The following FAM107A variants were observed in gnomAD, a reference collection of about 807,000 sequenced individuals.
The protein encoded by FAM107A is actin-associated protein FAM107A.
A neutral mutation model predicts 13.7 loss-of-function variants in FAM107A; 19 were observed. The observed-to-expected ratio is 1.38, with a 90% confidence interval of 0.97 to 2.03. FAM107A has a LOEUF of 2.03. Ranked by LOEUF, FAM107A falls within the 30% of genes most tolerant of loss-of-function variation. The pLI, the probability that FAM107A is intolerant of heterozygous loss-of-function variation, is 0.00. For missense variants in FAM107A, 203 were observed against 184.4 expected (o/e 1.10, Z -0.58); for synonymous variants, 82 against 74.5 (o/e 1.10, Z -0.52).
chr3:58,627,143 C>T (rs1308451649), intron 1 of FAM107A: 20 of 743,692 alleles, frequency 2.7e-5, no homozygotes, highest in East Asian at 1.3e-4. Flanking sequence ...GGCACAAAGG[C>T]GGCTTTCACA....
chr3:58,601,039 TG>T (rs1164696852), intron 1 of FAM107A, among the ~76,000 whole-genome samples: 1 of 152,192 alleles, frequency 6.6e-6, no homozygotes, highest in Non-Finnish European at 1.5e-5. Context: ...GTTTTAATAT[TG>T]AATGAGAGAA....
rs376569259 is a variant in FAM107A, at chr3:58,574,025, G to T, written c.-6+3284C>A. Among the ~76,000 whole-genome samples, 225 of 152,334 alleles carry T rather than the reference G, an allele frequency of 1.5e-3. 6 individuals carry two copies. In the South Asian group the frequency reaches 0.045, roughly 30 times the overall value. On this transcript the variant is annotated intron_variant, in intron 1 of 3. Coordinates refer to ENST00000360997, the MANE Select transcript of FAM107A (RefSeq NM_001076778.3). ...GCAAATGCCTCGTACAGAGTTGAGC[G>T]CTTGGGGCTGGCTACCAGGGCTGCC...
chr3:58,581,052 C>T (rs544921580), upstream of FAM107A, among the ~76,000 whole-genome samples: 1 of 152,330 alleles, frequency 6.6e-6, no homozygotes, highest in African/African-American at 2.4e-5. Flanking sequence ...TAATTCAAGC[C>T]ACAGTCGCTG....
chr3:58,614,580 C>T (rs1005054673), intron 1 of FAM107A, among the ~76,000 whole-genome samples: 1 of 151,592 alleles, frequency 6.6e-6, no homozygotes, highest in Non-Finnish European at 1.5e-5. Context: ...TCTCGGCTCA[C>T]TGCAAACTCC....
rs1216289378 is a variant in FAM107A at position 58,569,523 on chromosome 3, A to G, written c.170+168T>C. 6.6e-6 allele frequency among the ~76,000 whole-genome samples: 1 copy of G among 152,072 alleles called. No homozygotes were observed. Among genetic ancestry groups the G allele is most frequent in the Non-Finnish European group, 1.5e-5 (1 of 68,006 alleles). ...TCTGGTTCCCAGGGACCCACTGGGG[A>G]CAGGGTCTTTACAGGTTTTGCCGGT... On this transcript the variant is annotated intron_variant, in intron 2 of 3. Coordinates refer to ENST00000360997, the MANE Select transcript of FAM107A (RefSeq NM_001076778.3). The surrounding 1 kb of genome is among the most constrained non-coding windows in gnomAD (Gnocchi z 5.7).
At chr3:58,587,594 G>A (rs2065621959), upstream of FAM107A, among the ~76,000 whole-genome samples, 1 of 151,878 alleles carries the variant, frequency 6.6e-6, no homozygotes, top group Non-Finnish European at 1.5e-5. Context: ...CACAAGTATC[G>A]TGGGGTGGGT....
At chr3:58,600,031 C>G (rs1335195048) in intron 1 of FAM107A, among the ~76,000 whole-genome samples, 2 of 151,980 alleles carry the variant, frequency 1.3e-5, no homozygotes, top group Non-Finnish European at 2.9e-5. Flanking sequence ...AATTTACCCC[C>G]CACCCCTGCA....
In FAM107A at chr3:58,613,942, G is replaced by C. The variant is rs939725715; in HGVS notation, c.-70+13474C>G. Among the ~76,000 whole-genome samples, 3 of 152,218 alleles carry C rather than the reference G, an allele frequency of 2.0e-5. No homozygotes were observed. Among genetic ancestry groups the C allele is most frequent in the Non-Finnish European group, 4.4e-5 (3 of 68,030 alleles). ...CAACTCCCTGCAGCCTGCTGTACCTGGGAAGTGCCAGTGGGCTGGACCGGA... is the reference window on the plus strand; with the variant it reads ...CAACTCCCTGCAGCCTGCTGTACCTCGGAAGTGCCAGTGGGCTGGACCGGA... On this transcript the variant is annotated intron_variant, in intron 1 of 3. Transcript: ENST00000465970. This position sits in a 1 kb window ranked among gnomAD's most constrained non-coding sequence, Gnocchi z 4.6.
intron 1 of FAM107A, chr3:58,627,271 C>G: frequency 2.1e-6 from 1 of 472,650 alleles, no homozygotes; most frequent in Non-Finnish European, 3.8e-6. Context: ...CCTCACCTCC[C>G]AGAACCCTGC....
chr3:58,573,130 C>G (rs957995636), intron 1 of FAM107A, among the ~76,000 whole-genome samples: 1 of 152,092 alleles, frequency 6.6e-6, no homozygotes, highest in African/African-American at 2.4e-5. Context: ...GAGGCAGGAA[C>G]CCTGAGGGAT....
At chr3:58,589,529 T>C (rs986424963), upstream of FAM107A, among the ~76,000 whole-genome samples, 15 of 152,128 alleles carry the variant, frequency 9.9e-5, no homozygotes, top group Non-Finnish European at 2.1e-4. Context: ...AAAAACAGTT[T>C]TAGATTTAGG....
At chr3:58,626,460 A>G (rs898641698) in intron 1 of FAM107A, among the ~76,000 whole-genome samples, 4 of 152,214 alleles carry the variant, frequency 2.6e-5, no homozygotes, top group Admixed American at 6.5e-5. Context: ...GCAGTGTTCC[A>G]AACACTTTCA....
intron 1 of FAM107A, among the ~76,000 whole-genome samples, chr3:58,571,052 C>G (rs1047087817): frequency 6.6e-6 from 1 of 152,210 alleles, no homozygotes; most frequent in African/African-American, 2.4e-5. Flanking sequence ...CCATTCTCTG[C>G]CCAAATGCAG....
At position 58,566,296 on chromosome 3, in the gene FAM107A, C is replaced by G; in HGVS notation, c.*292G>C. 1 of 347,296 alleles carries G rather than the reference C, an allele frequency of 2.9e-6. No homozygotes were observed. Among genetic ancestry groups the G allele is most frequent in the Non-Finnish European group, 5.2e-6 (1 of 193,426 alleles). The allele number at this position is 347,296 out of a possible 1,614,324, so 21.5% of individuals were successfully genotyped here. ...CAAGTCAGAGGGCCACCTCTTCCTCCTCAATTCTGCCAGAGAAAGCTCCTG... is the reference window on the plus strand; with the variant it reads ...CAAGTCAGAGGGCCACCTCTTCCTCGTCAATTCTGCCAGAGAAAGCTCCTG... On this transcript the variant is annotated 3_prime_UTR_variant, in exon 4 of 4. Transcript: ENST00000360997.
upstream of FAM107A, among the ~76,000 whole-genome samples, chr3:58,589,008 G>A (rs59686648): frequency 0.022 from 3,386 of 152,206 alleles, 140 homozygotes; most frequent in African/African-American, 0.078. Context: ...TGACTTGCTC[G>A]AGATCACATA....
chr3:58,613,803 G>A lies in FAM107A; in HGVS notation c.-70+13613C>T, dbSNP rs1403086505. On this transcript the variant is annotated intron_variant, in intron 1 of 3. Transcript: ENST00000465970. The surrounding 1 kb of genome is among the most constrained non-coding windows in gnomAD (Gnocchi z 4.6). ...TGCCAAGTCCTTGCCCTGGGATGGT[G>A]GAGACTGATGGGCAGGAGGCAGAAG... 6.6e-6 allele frequency among the ~76,000 whole-genome samples: 1 copy of A among 152,202 alleles called. No individual in the cohort carries two copies. Among genetic ancestry groups the A allele is most frequent in the Non-Finnish European group, 1.5e-5 (1 of 68,026 alleles).
intron 1 of FAM107A, chr3:58,607,213 G>A (rs1190601543): frequency 6.6e-6 from 1 of 152,216 alleles, no homozygotes; most frequent in Non-Finnish European, 1.5e-5. Flanking sequence ...CAAGGGTTGG[G>A]GGTCAAATGT....
chr3:58,594,387 C>T (rs1295139389), intron 1 of FAM107A, among the ~76,000 whole-genome samples: 2 of 152,076 alleles, frequency 1.3e-5, no homozygotes, highest in East Asian at 1.9e-4. Flanking sequence ...AAAATCAAAC[C>T]TCCCCCTCTA....
At chr3:58,615,672 G>C (rs531908351) in intron 1 of FAM107A, among the ~76,000 whole-genome samples, 116 of 152,212 alleles carry the variant, frequency 7.6e-4, no homozygotes, top group African/African-American at 2.6e-3. Context: ...GAGGTGTGTG[G>C]ATTCCTTGAG....
Sources: gnomAD v4.1 joint callset for allele counts (sites outside exome capture counted in the v4.1 genomes callset) on GRCh38, gnomAD v4.1.1 for gene constraint, Gnocchi (gnomAD v3.1) non-coding constraint, MANE v1.5 for transcripts, NCBI Gene and HGNC (gene_info 2026-07-23, HGNC 2026-07-21) for gene names.